Variants in HEG1 observed in about 807,000 individuals in gnomAD.
The protein encoded by HEG1 is heart development protein with EGF like domains 1, also known as protein HEG homolog 1.
HEG1 carries 56 observed loss-of-function variants against 125.6 expected under a neutral mutation model. The observed-to-expected ratio is 0.45, with a 90% CI of 0.36 to 0.56. HEG1 has a LOEUF of 0.56. Ranked by LOEUF, HEG1 falls within the 20% of genes least tolerant of loss-of-function variation. The pLI, the probability that HEG1 is intolerant of heterozygous loss-of-function variation, is 0.00. For synonymous variants in HEG1, 644 were observed against 668.5 expected (o/e 0.96, Z 0.57); for missense variants, 1,523 against 1,670.0 (o/e 0.91, Z 1.53).
At chr3:125,018,808 C>T (rs943257554) in intron 5 of HEG1, among the ~76,000 whole-genome samples, 14 of 150,272 alleles carry the variant, frequency 9.3e-5, no homozygotes, top group African/African-American at 3.4e-4. Flanking sequence ...GAAGAAGGGC[C>T]TGGGAAATAA....
rs1936298285 is a variant in HEG1 at position 124,965,759 on chromosome 3, A to C, written c.*4893T>G. ...ATCATTTTACTGACTAGAACGCCAGACTTAGAGTGGATATAAGTATAAAAA... is the reference window on the plus strand; with the variant it reads ...ATCATTTTACTGACTAGAACGCCAGCCTTAGAGTGGATATAAGTATAAAAA... On this transcript the variant is annotated 3_prime_UTR_variant, in exon 17 of 17. Coordinates refer to ENST00000311127, the MANE Select transcript of HEG1 (RefSeq NM_020733.2). 6.6e-6 allele frequency: 1 copy of C among 152,236 alleles called. No homozygotes were observed. The highest frequency in any genetic ancestry group is 1.5e-5 in the Non-Finnish European group (1 of 68,032). The allele number at this position is 152,236 out of a possible 1,614,324, so 9.4% of individuals were successfully genotyped here. A position where few individuals can be genotyped will look rare whatever the true frequency, so the allele number is the denominator to read the frequency against.
chr3:124,993,336 A>C (rs1936862570), intron 12 of HEG1, among the ~76,000 whole-genome samples: 1 of 152,132 alleles, frequency 6.6e-6, no homozygotes, highest in Admixed American at 6.5e-5. Flanking sequence ...AGGTGCTTTC[A>C]CTTTATGCCA....
Position 125,048,591 on chromosome 3 carries a change from G to C in HEG1, c.316+6984C>G, listed in dbSNP as rs2107714491. On this transcript the variant is annotated intron_variant, in intron 1 of 16. Coordinates refer to ENST00000311127, the MANE Select transcript of HEG1 (RefSeq NM_020733.2). Reference sequence around the variant, plus strand: ...CTGGTGTAAGTGGAGAGCAGAGCAAGAGAAGGTGAGAGAGGTGGCCAGTCA... The same window carrying C: ...CTGGTGTAAGTGGAGAGCAGAGCAACAGAAGGTGAGAGAGGTGGCCAGTCA... Among the ~76,000 whole-genome samples the C allele has an allele frequency of 1.3e-5, 2 of 152,368 alleles. 1 individual carries two copies. Among genetic ancestry groups the C allele is most frequent in the African/African-American group, 4.8e-5 (2 of 41,592 alleles).
intron 5 of HEG1, among the ~76,000 whole-genome samples, chr3:125,017,977 C>T (rs770243536): frequency 7.3e-5 from 11 of 151,432 alleles, no homozygotes; most frequent in Non-Finnish European, 1.2e-4. Context: ...TGCAGTGAGC[C>T]GGGATGGTGC....
chr3:124,995,365 G>A (rs2107693569), intron 12 of HEG1, among the ~76,000 whole-genome samples: 1 of 152,290 alleles, frequency 6.6e-6, no homozygotes, highest in Middle Eastern at 3.4e-3. Flanking sequence ...AGAAACCTAT[G>A]AGAGGGATAT....
chr3:125,035,699 C>T (rs1043624900), intron 1 of HEG1, among the ~76,000 whole-genome samples: 5 of 151,610 alleles, frequency 3.3e-5, no homozygotes, highest in Admixed American at 2.6e-4. Flanking sequence ...ATATCAGATG[C>T]AAGGCAATAT....
intron 1 of HEG1, among the ~76,000 whole-genome samples, chr3:125,044,087 G>C (rs538320796): frequency 6.6e-6 from 1 of 152,226 alleles, no homozygotes; most frequent in African/African-American, 2.4e-5. Context: ...GAGCGTTGAC[G>C]ACTGCTAGAA....
At chr3:124,984,002 A>G (rs1238051385) in intron 14 of HEG1, among the ~76,000 whole-genome samples, 2 of 152,090 alleles carry the variant, frequency 1.3e-5, no homozygotes, top group East Asian at 3.8e-4. Flanking sequence ...GGGTAATATT[A>G]ATAGATTCTC....
intron 7 of HEG1, 44 bp downstream of exon 7, chr3:125,010,395 G>A (rs1370877324): frequency 1.6e-5 from 20 of 1,231,082 alleles, no homozygotes; most frequent in East Asian, 1.0e-4. Flanking sequence ...GTAGCCCAAC[G>A]TGGTACTGTG....
At chr3:124,979,322 C>T (rs138540825) in intron 14 of HEG1, among the ~76,000 whole-genome samples, 171 of 152,158 alleles carry the variant, frequency 1.1e-3, no homozygotes, top group African/African-American at 2.8e-3. Flanking sequence ...GGTTAGACTC[C>T]GCAATTTTAT....
At chr3:125,046,880 T>A (rs1937680208) in intron 1 of HEG1, among the ~76,000 whole-genome samples, 1 of 152,242 alleles carries the variant, frequency 6.6e-6, no homozygotes, top group South Asian at 2.1e-4. Context: ...AGAACACTCA[T>A]TGACCACAGA....
rs1328310418 is a variant in HEG1 at position 125,021,049 on chromosome 3, G to A, written c.995C>T (p.Ala332Val). The change falls in exon 4 of 17, where the codon GCC becomes GTC. Residue 332 changes from alanine to valine, a missense_variant. Physicochemically the swap from Ala to Val is moderately conservative, Grantham distance 64 (BLOSUM62 0). Coordinates refer to ENST00000311127, the MANE Select transcript of HEG1 (RefSeq NM_020733.2). ...SVSQTKTMHV[A>V]TVFTDGGPRT... is the part of the protein sequence containing the mutation. Reference sequence around the variant, plus strand: ...CGGGCCACCATCAGTGAACACGGTGGCAACATGCATTGTCTTTGTTTGACT... The same window carrying A: ...CGGGCCACCATCAGTGAACACGGTGACAACATGCATTGTCTTTGTTTGACT... 1 of 1,609,584 alleles carries A rather than the reference G, an allele frequency of 6.2e-7. No individual in the cohort carries two copies. The highest frequency in any genetic ancestry group is 1.7e-5 in the Admixed American group (1 of 59,344).
At chr3:125,000,311 T>C (rs1314774289) in intron 11 of HEG1, among the ~76,000 whole-genome samples, 2 of 152,148 alleles carry the variant, frequency 1.3e-5, no homozygotes, top group African/African-American at 2.4e-5. Flanking sequence ...CAAATCCAAA[T>C]GGCTGGCACT....
Position 124,966,092 on chromosome 3 carries a change from G to T in HEG1, c.*4560C>A, listed in dbSNP as rs539259371. 1 of 152,342 alleles carries T rather than the reference G, an allele frequency of 6.6e-6. No homozygotes were observed. The highest frequency in any genetic ancestry group is 6.5e-5 in the Admixed American group (1 of 15,302). 9.4% of individuals were successfully genotyped at this position (152,342 alleles called of 1,614,324 possible). On this transcript the variant is annotated 3_prime_UTR_variant, in exon 17 of 17. Transcript: ENST00000311127. The stretch of plus-strand genomic sequence containing the variant: ...CCAAGGTTAATACAGAAAGGTAAAT[G>T]ATTCGGATTAGTTTCCCAGGCAGAA...
intron 1 of HEG1, among the ~76,000 whole-genome samples, chr3:125,051,830 C>A (rs914397582): frequency 1.3e-5 from 2 of 152,194 alleles, no homozygotes; most frequent in African/African-American, 4.8e-5. Flanking sequence ...TGTCTCTGGA[C>A]AAGGACAAGT....
At chr3:125,041,502 G>A (rs1158873314) in intron 1 of HEG1, among the ~76,000 whole-genome samples, 1 of 152,224 alleles carries the variant, frequency 6.6e-6, no homozygotes, top group African/African-American at 2.4e-5. Flanking sequence ...CAGTGCTGGT[G>A]GGAATGTAAG....
At chr3:125,002,107 G>A (rs866054453) in intron 10 of HEG1, 95 bp from the exon 11 acceptor site, 13 of 1,533,472 alleles carry the variant, frequency 8.5e-6, no homozygotes, top group South Asian at 6.9e-5. Flanking sequence ...CACCAGTGAC[G>A]GGATGGGAGA....
intron 12 of HEG1, among the ~76,000 whole-genome samples, chr3:124,994,659 C>T (rs1228505982): frequency 6.6e-6 from 1 of 152,144 alleles, no homozygotes; most frequent in Non-Finnish European, 1.5e-5. Context: ...GCATGCACCA[C>T]CACGCCCAGC....
chr3:124,992,561 A>G (rs1666551637), intron 12 of HEG1, among the ~76,000 whole-genome samples: 1 of 151,602 alleles, frequency 6.6e-6, no homozygotes, highest in Non-Finnish European at 1.5e-5. Context: ...ATGGTGGGTT[A>G]TGGGGGCCAG....
Sources: allele counts gnomAD v4.1 joint callset (sites outside exome capture counted in the v4.1 genomes callset), GRCh38; gene constraint gnomAD v4.1.1; transcripts MANE v1.5; gene names NCBI Gene and HGNC (gene_info 2026-07-23, HGNC 2026-07-21).